Variants in SATB1 observed in about 807,000 individuals in gnomAD.
The protein encoded by SATB1 is DNA-binding protein SATB1.
A neutral mutation model predicts 86.9 loss-of-function variants in SATB1; 11 were observed. The observed-to-expected ratio is 0.13, with a 90% CI of 0.08 to 0.21. The LOEUF (loss-of-function observed/expected upper bound fraction) is 0.21. SATB1 is among the 10% of genes least tolerant of loss of function. The pLI is 1.00. For synonymous variants in SATB1, 357 were observed against 357.2 expected (o/e 1.00, Z 0.01); for missense variants, 551 against 937.6 (o/e 0.59, Z 5.39).
At position 18,347,348 on chromosome 3, in the gene SATB1, A is replaced by AT. The variant is rs1257859507; in HGVS notation, c.*1821dup. The AT allele has an allele frequency of 1.3e-5, 2 of 152,094 alleles. No individual in the cohort carries two copies. Among genetic ancestry groups the AT allele is most frequent in the Non-Finnish European group, 2.9e-5 (2 of 67,996 alleles). The allele number at this position is 152,094 out of a possible 1,614,324, so 9.4% of individuals were successfully genotyped here. On this transcript the variant is annotated 3_prime_UTR_variant, in exon 11 of 11. Coordinates refer to ENST00000338745, the MANE Select transcript of SATB1 (RefSeq NM_002971.6). ...AGCACACCTCATTTTATATTCTGGCATTTTACTATGTTTAATGTTGCAAGA... is the reference window on the plus strand; with the variant it reads ...AGCACACCTCATTTTATATTCTGGCATTTTTACTATGTTTAATGTTGCAAGA...
At chr3:18,378,624 A>G (rs1695883950) in intron 8 of SATB1, among the ~76,000 whole-genome samples, 3 of 152,166 alleles carry the variant, frequency 2.0e-5, no homozygotes, top group Admixed American at 1.3e-4. Flanking sequence ...TGAAAACCCT[A>G]AACTAATTGT....
chr3:18,416,602 T>C (rs1698124534), intron 3 of SATB1, among the ~76,000 whole-genome samples: 1 of 152,048 alleles, frequency 6.6e-6, no homozygotes, highest in African/African-American at 2.4e-5. Flanking sequence ...GTCCATCTGC[T>C]CAAATACGCT....
intron 8 of SATB1, among the ~76,000 whole-genome samples, chr3:18,383,408 G>T (rs530647846): frequency 6.6e-6 from 1 of 152,236 alleles, no homozygotes; most frequent in African/African-American, 2.4e-5. Flanking sequence ...AGGTGGAAGA[G>T]AATCCAGTTT....
In SATB1 at chr3:18,424,611, G is replaced by A. The variant is rs1698577377; in HGVS notation, c.-1009C>T. 6.6e-6 allele frequency: 1 copy of A among 152,184 alleles called. No homozygotes were observed. The allele number at this position is 152,184 out of a possible 1,614,324, so 9.4% of individuals were successfully genotyped here. A position where few individuals can be genotyped will look rare whatever the true frequency, so the allele number is the denominator to read the frequency against. On this transcript the variant is annotated 5_prime_UTR_variant, in exon 1 of 11. Transcript: ENST00000338745. ...AGGGGGAGGAGGAGGAAGATCAGAA[G>A]GCACCCCCAGCCACCTCCACCGCCT... is the stretch of plus-strand genomic sequence containing the variant.
Position 18,352,036 on chromosome 3 carries a change from C to A in SATB1, c.1735G>T (p.Asp579Tyr). The A allele has an allele frequency of 2.5e-6, 4 of 1,614,208 alleles. No homozygotes were observed. The highest frequency in any genetic ancestry group is 2.2e-5 in the South Asian group (2 of 91,068). The change falls in exon 10 of 11, where the codon GAC becomes TAC. Residue 579 changes from aspartate (D) to tyrosine (Y), a missense_variant. Physicochemically the swap from Asp to Tyr is radical, Grantham distance 160. Around this residue, in one of 8 missense-constraint regions of SATB1, gnomAD observed 87 missense variants for 103.6 expected, o/e 0.84. Transcript: ENST00000338745. The surrounding 1 kb of genome is among the most constrained non-coding windows in gnomAD (Gnocchi z 4.1). Reference protein sequence around the residue: ...QESNAVHHHGDRPPHIIHVPA... With the variant: ...QESNAVHHHGYRPPHIIHVPA... Reference sequence around the variant, plus strand: ...ACATGGATAATGTGGGGCGGCCTGTCGCCATGGTGATGCACCGCGTTGCTC... The same window carrying A: ...ACATGGATAATGTGGGGCGGCCTGTAGCCATGGTGATGCACCGCGTTGCTC...
chr3:18,396,031 C>T (rs1305146396), intron 6 of SATB1, among the ~76,000 whole-genome samples: 3 of 152,106 alleles, frequency 2.0e-5, no homozygotes, highest in East Asian at 1.9e-4. Flanking sequence ...TTTATCATAG[C>T]GCTATAGCTC....
chr3:18,398,498 CA>C (rs968120982), intron 5 of SATB1, among the ~76,000 whole-genome samples: 2 of 152,104 alleles, frequency 1.3e-5, no homozygotes, highest in Non-Finnish European at 2.9e-5. Context: ...AGTTTGGGGA[CA>C]AAAGTATTTT....
At chr3:18,351,482 T>G in intron 10 of SATB1, 1 of 1,180,792 alleles carries the variant, frequency 8.5e-7, no homozygotes, top group Non-Finnish European at 1.2e-6. Flanking sequence ...AGCTATTACA[T>G]ACAAGGTGAA....
At chr3:18,363,127 C>G (rs1695003535) in intron 9 of SATB1, among the ~76,000 whole-genome samples, 1 of 151,968 alleles carries the variant, frequency 6.6e-6, no homozygotes, top group African/African-American at 2.4e-5. Flanking sequence ...TAAATATTCC[C>G]TCTATGATGT....
intron 10 of SATB1, chr3:18,351,419 GACAA>G (rs780027285): frequency 3.6e-5 from 55 of 1,532,566 alleles, no homozygotes; most frequent in African/African-American, 2.2e-4. Context: ...CTAAAGGAAA[GACAA>G]ACAGAGATGA....
At position 18,420,756 on chromosome 3, in the gene SATB1, C is replaced by A; in HGVS notation, c.211+1G>T. 1 of 1,612,844 alleles carries A rather than the reference C, an allele frequency of 6.2e-7. No homozygotes were observed. Among genetic ancestry groups the A allele is most frequent in the Non-Finnish European group, 8.5e-7 (1 of 1,179,728 alleles). On this transcript the variant is annotated splice_donor_variant, in intron 2 of 10. Coordinates refer to ENST00000338745, the MANE Select transcript of SATB1 (RefSeq NM_002971.6). LOFTEE classifies it high-confidence loss of function. ...TCAAGATTTGGCTTGAAGGTATTTACCTTTCCTAAGGTTGGTTTTCATCAG... is the reference window on the plus strand; with the variant it reads ...TCAAGATTTGGCTTGAAGGTATTTAACTTTCCTAAGGTTGGTTTTCATCAG...
intron 9 of SATB1, among the ~76,000 whole-genome samples, chr3:18,364,722 T>C (rs1695094030): frequency 6.6e-6 from 1 of 151,840 alleles, no homozygotes; most frequent in South Asian, 2.1e-4. Context: ...TATGTATGTA[T>C]ATATATATAC....
chr3:18,418,375 T>C lies in SATB1; in HGVS notation c.212-1297A>G, dbSNP rs1462437970. On this transcript the variant is annotated intron_variant, in intron 2 of 10. Coordinates refer to ENST00000338745, the MANE Select transcript of SATB1 (RefSeq NM_002971.6). ...AATAAAACAGCTACATCTTTCTACA[T>C]GTGAGTCTTCACCAAAGCTTTAGTG... is the stretch of plus-strand genomic sequence containing the variant. Among the ~76,000 whole-genome samples the C allele has an allele frequency of 8.5e-5, 13 of 152,176 alleles. No homozygotes were observed. The South Asian group carries it at 2.5e-3, about 29-fold the overall frequency.
rs893145601 is a variant in SATB1, at chr3:18,347,602, T to C, written c.*1568A>G. On this transcript the variant is annotated 3_prime_UTR_variant, in exon 11 of 11. Transcript: ENST00000338745. The stretch of plus-strand genomic sequence containing the variant: ...TTATACATTAGCTTAAGGAAAAGCA[T>C]TGCTATAAATGAAGTATTGTGAAAT... The C allele has an allele frequency of 6.6e-6, 1 of 152,170 alleles. No individual in the cohort carries two copies. The highest frequency in any genetic ancestry group is 2.4e-5 in the African/African-American group (1 of 41,434). 9.4% of individuals were successfully genotyped at this position (152,170 alleles called of 1,614,324 possible).
At chr3:18,415,066 G>A in intron 5 of SATB1, 45 bp downstream of exon 5, 1 of 1,606,072 alleles carries the variant, frequency 6.2e-7, no homozygotes. Context: ...TCAAATCAGG[G>A]TTGCCCATGA....
At chr3:18,362,991 T>C (rs970762734) in intron 9 of SATB1, among the ~76,000 whole-genome samples, 1 of 152,058 alleles carries the variant, frequency 6.6e-6, no homozygotes, top group Non-Finnish European at 1.5e-5. Context: ...ACCAGGTTGA[T>C]TTGGATAAAT....
At chr3:18,400,588 ATGACT>A in intron 5 of SATB1, among the ~76,000 whole-genome samples, 1 of 152,334 alleles carries the variant, frequency 6.6e-6, no homozygotes, top group South Asian at 2.1e-4. Flanking sequence ...TAGGAAAATA[ATGACT>A]TGAAGAGACA....
At chr3:18,417,118 A>G (rs1698156166) in intron 2 of SATB1, 40 bp from the exon 3 acceptor site, 2 of 1,585,396 alleles carry the variant, frequency 1.3e-6, no homozygotes, top group Non-Finnish European at 1.7e-6. Flanking sequence ...AAAACCAACA[A>G]TCTTCAGAAA....
chr3:18,351,510 T>C, intron 10 of SATB1: 2 of 805,212 alleles, frequency 2.5e-6, no homozygotes, highest in Non-Finnish European at 3.9e-6. Context: ...CCAAGGACTG[T>C]AAGGCAAGAT....
Sources: allele counts gnomAD v4.1 joint callset (sites outside exome capture counted in the v4.1 genomes callset), GRCh38; gene constraint gnomAD v4.1.1; regional missense constraint gnomAD v4.1.1; non-coding constraint Gnocchi (gnomAD v3.1); transcripts MANE v1.5; gene names NCBI Gene and HGNC (gene_info 2026-07-23, HGNC 2026-07-21).